The following PFN4 variants were observed in gnomAD, a reference collection of about 807,000 sequenced individuals.
PFN4 encodes the protein profilin family member 4, also known as profilin-4.
Under a neutral mutation model 16.3 loss-of-function variants are expected in PFN4, and 10 were observed. That is an observed-to-expected ratio of 0.61 (90% CI 0.38 to 1.04). The LOEUF is 1.04. PFN4 is among the 50% of genes least tolerant of loss of function. The pLI, the probability that PFN4 is intolerant of heterozygous loss-of-function variation, is 0.01. For missense variants in PFN4, 136 were observed against 153.6 expected, an observed-to-expected ratio of 0.89 and a Z score of 0.61; for synonymous variants, 54 against 56.9, an observed-to-expected ratio of 0.95 and a Z score of 0.23.
chr2:24,115,202 T>G lies in PFN4; in HGVS notation c.*381A>C, dbSNP rs373986832. On this transcript the variant is annotated 3_prime_UTR_variant, in exon 5 of 5. Coordinates refer to ENST00000313213, the MANE Select transcript of PFN4 (RefSeq NM_199346.3). ...CCTGATGGGAGACATCCCTTCATTT[T>G]TCAAGGTTGCTTGCTGCAACCTAAC... 1.3e-5 allele frequency among the ~76,000 whole-genome samples: 2 copies of G among 152,202 alleles called. No homozygotes were observed. Among genetic ancestry groups the G allele is most frequent in the African/African-American group, 4.8e-5 (2 of 41,456 alleles).
At position 24,119,664 on chromosome 2, in the gene PFN4, C is replaced by T; in HGVS notation, c.274G>A (p.Val92Ile). 6.2e-7 allele frequency: 1 copy of T among 1,611,534 alleles called. No homozygotes were observed. Among genetic ancestry groups the T allele is most frequent in the Non-Finnish European group, 8.5e-7 (1 of 1,177,994 alleles). ...AGAAGATACAGATGGGTCTTCACGA[C>T]AACCACACCAGTGTTCTCCTGTATA... is the stretch of plus-strand genomic sequence containing the variant. The part of the protein sequence containing the change: ...YAKNENTGVV[V>I]VKTHLYLLVA... Residue 92 changes from valine to isoleucine, a missense_variant, in exon 4 of 5, where the codon GTC (valine) becomes ATC (isoleucine). By Grantham distance (29) the Val-to-Ile change is conservative. Transcript: ENST00000313213.
intron 4 of PFN4, among the ~76,000 whole-genome samples, chr2:24,115,907 CAAAAAAAA>C (rs35038662): frequency 8.5e-6 from 1 of 117,050 alleles, no homozygotes; most frequent in Admixed American, 8.9e-5. Flanking sequence ...GGTTCCCATG[CAAAAAAAA>C]AAAAAAAAAA....
intron 3 of PFN4, 28 bp downstream of exon 3, chr2:24,121,135 C>G: frequency 6.2e-7 from 1 of 1,612,478 alleles, no homozygotes; most frequent in Non-Finnish European, 8.5e-7. Context: ...TTCTTTTACT[C>G]AGCTCTCTTC....
chr2:24,123,400 C>G (rs1666190682), upstream of PFN4: 1 of 152,224 alleles, frequency 6.6e-6, no homozygotes, highest in Non-Finnish European at 1.5e-5. Context: ...CAAGACCCGC[C>G]ACCTAGAGCC....
intron 4 of PFN4, among the ~76,000 whole-genome samples, chr2:24,118,856 T>C (rs1666009427): frequency 6.6e-6 from 1 of 152,232 alleles, no homozygotes; most frequent in Non-Finnish European, 1.5e-5. Flanking sequence ...AATGAGTGGC[T>C]GCTTTTGTTA....
chr2:24,119,717 G>C (rs756780179), intron 3 of PFN4, 35 bp from the exon 4 acceptor site: 39 of 1,526,404 alleles, frequency 2.6e-5, no homozygotes, highest in Middle Eastern at 1.7e-4. Flanking sequence ...TTCTGCTCTT[G>C]GTTCTAATCA....
At chr2:24,115,756 G>T in intron 4 of PFN4, 145 bp from the exon 5 acceptor site, 2 of 832,000 alleles carry the variant, frequency 2.4e-6, no homozygotes, top group Non-Finnish European at 3.8e-6. Flanking sequence ...AAACAAGGGT[G>T]ACTGGATAGT....
At chr2:24,118,394 G>T (rs1305322417) in intron 4 of PFN4, among the ~76,000 whole-genome samples, 2 of 152,140 alleles carry the variant, frequency 1.3e-5, no homozygotes, top group East Asian at 1.9e-4. Flanking sequence ...TTAAGATTCA[G>T]CTCTCTGGCG....
intron 4 of PFN4, among the ~76,000 whole-genome samples, chr2:24,117,014 AT>A (rs58867611): frequency 0.013 from 1,741 of 131,898 alleles, 5 homozygotes; most frequent in East Asian, 0.043. Flanking sequence ...ACAATCCTGC[AT>A]TTTTTTTTTT....
At position 24,122,457 on chromosome 2, in the gene PFN4, G is replaced by C. The variant is rs771486989; in HGVS notation, c.79C>G (p.Gln27Glu). 6.2e-7 allele frequency: 1 copy of C among 1,614,068 alleles called. No homozygotes were observed. ...GATGCTACACACAAGCTCCGCTCCT[G>C]GATTTTGATGAGGGCTGCACTGTCC... ...HVDSAALIKI[Q>E]ERSLCVASPG... The change falls in exon 2 of 5, where the codon CAG becomes GAG. Residue 27 changes from glutamine (Q) to glutamate (E), a missense_variant. Coordinates refer to ENST00000313213, the MANE Select transcript of PFN4 (RefSeq NM_199346.3).
At chr2:24,120,114 C>T (rs1164876902) in intron 3 of PFN4, among the ~76,000 whole-genome samples, 1 of 151,994 alleles carries the variant, frequency 6.6e-6, no homozygotes, top group Non-Finnish European at 1.5e-5. Flanking sequence ...ACTAAAAATA[C>T]AAAAATTAGC....
At chr2:24,117,354 CCTGT>C (rs1157410931) in intron 4 of PFN4, among the ~76,000 whole-genome samples, 6 of 152,098 alleles carry the variant, frequency 3.9e-5, no homozygotes, top group South Asian at 4.1e-4. Context: ...GCATCCTTTT[CCTGT>C]CTATTTAAAG....
chr2:24,116,280 A>T (rs1487819615), intron 4 of PFN4, among the ~76,000 whole-genome samples: 1 of 151,898 alleles, frequency 6.6e-6, no homozygotes, highest in African/African-American at 2.4e-5. Flanking sequence ...ATGAGCTGAC[A>T]TCCCACCACA....
chr2:24,122,225 G>A (rs564168858), intron 2 of PFN4, among the ~76,000 whole-genome samples, 194 bp downstream of exon 2: 65 of 152,066 alleles, frequency 4.3e-4, no homozygotes, highest in African/African-American at 1.5e-3. Context: ...CCAGCTACTC[G>A]GGAGGCTAAG....
chr2:24,122,275 G>T, intron 2 of PFN4, 144 bp downstream of exon 2: 1 of 651,012 alleles, frequency 1.5e-6, no homozygotes, highest in Non-Finnish European at 2.7e-6. Context: ...GCAGTGAGCT[G>T]AGATCATGCC....
intron 3 of PFN4, among the ~76,000 whole-genome samples, 157 bp from the exon 4 acceptor site, chr2:24,119,839 ATC>A (rs982487391): frequency 6.6e-6 from 1 of 152,176 alleles, no homozygotes; most frequent in African/African-American, 2.4e-5. Context: ...ATGTTTATAT[ATC>A]TGTTTTTGGA....
chr2:24,121,599 G>C (rs936394377), intron 2 of PFN4, among the ~76,000 whole-genome samples: 1 of 151,852 alleles, frequency 6.6e-6, no homozygotes, highest in Non-Finnish European at 1.5e-5. Flanking sequence ...GAGACTCTAC[G>C]GCCCTGTGCT....
Position 24,115,285 on chromosome 2 carries a change from C to T in PFN4, c.*298G>A, listed in dbSNP as rs190219629. 1.9e-5 allele frequency: 6 copies of T among 317,144 alleles called. No individual in the cohort carries two copies. Among genetic ancestry groups the T allele is most frequent in the African/African-American group, 1.0e-4 (5 of 47,974 alleles). 19.6% of individuals were successfully genotyped at this position (317,144 alleles called of 1,614,324 possible). On this transcript the variant is annotated 3_prime_UTR_variant, in exon 5 of 5. Transcript: ENST00000313213. ...AGCCTTGCATTCTTGGCATACTTAG[C>T]AAGGTGTGTAGGAGTACAAGAGCCT...
rs143760165 is a variant in PFN4, at chr2:24,119,584, C to T, written c.354G>A (p.Glu118=). 524 of 1,613,256 alleles carry T rather than the reference C, an allele frequency of 3.2e-4. 2 individuals are homozygous for T. In the African/African-American group the frequency reaches 6.3e-3, roughly 19 times the overall value. ...ACTAGGAGGCCAACTTACCCAGGCTCTCTGTGGCTTCCACACAGATGCTAG... is the reference window on the plus strand; with the variant it reads ...ACTAGGAGGCCAACTTACCCAGGCTTTCTGTGGCTTCCACACAGATGCTAG... ...MYPSICVEAT[E]SLGDYLRKKG... Residue 118 remains glutamate, a synonymous_variant, in exon 4 of 5, where the codon GAG becomes GAA. Coordinates refer to ENST00000313213, the MANE Select transcript of PFN4 (RefSeq NM_199346.3).
Sources: gnomAD v4.1 joint callset for allele counts (sites outside exome capture counted in the v4.1 genomes callset) on GRCh38, gnomAD v4.1.1 for gene constraint, MANE v1.5 for transcripts, NCBI Gene and HGNC (gene_info 2026-07-23, HGNC 2026-07-21) for gene names.